Variants in AGT observed in about 807,000 individuals in gnomAD.
AGT encodes alpha-1 antiproteinase, antitrypsin.
AGT carries 26 observed loss-of-function variants against 28.1 expected under a neutral mutation model. That is an observed-to-expected ratio of 0.92 (90% confidence interval 0.68 to 1.28). AGT has a LOEUF of 1.28. AGT is among the 50% of genes most tolerant of loss of function. The pLI, the probability that AGT is intolerant of heterozygous loss-of-function variation, is 0.00. For synonymous variants in AGT, 259 were observed against 259.6 expected, an observed-to-expected ratio of 1.00 and a Z score of 0.02; for missense variants, 596 against 592.3, an observed-to-expected ratio of 1.01 and a Z score of -0.06.
At chr1:230,715,415 T>G (rs1663710971), upstream of AGT, among the ~76,000 whole-genome samples, 1 of 152,212 alleles carries the variant, frequency 6.6e-6, no homozygotes, top group South Asian at 2.1e-4. Flanking sequence ...CTCGCATCTG[T>G]AATTCAAACA....
chr1:230,718,721 G>GTTTT (rs1571981600), upstream of AGT, among the ~76,000 whole-genome samples: 1 of 120,938 alleles, frequency 8.3e-6, no homozygotes, highest in African/African-American at 3.5e-5. Flanking sequence ...GTTCCACACC[G>GTTTT]CTTTTTTTTT....
chr1:230,706,691 G>T (rs567554357), intron 2 of AGT, among the ~76,000 whole-genome samples: 1 of 152,090 alleles, frequency 6.6e-6, no homozygotes, highest in African/African-American at 2.4e-5. Flanking sequence ...AGCCTCCCCC[G>T]TGATCAACAT....
intron 1 of AGT, among the ~76,000 whole-genome samples, chr1:230,726,092 C>T (rs541159617): frequency 1.8e-4 from 27 of 152,288 alleles, no homozygotes; most frequent in African/African-American, 6.3e-4. Flanking sequence ...GGAATGACTT[C>T]ACTTGGCATC....
chr1:230,705,683 A>G (rs564359827), intron 3 of AGT, among the ~76,000 whole-genome samples: 1 of 152,368 alleles, frequency 6.6e-6, no homozygotes, highest in East Asian at 1.9e-4. Flanking sequence ...AAGTGTAGAA[A>G]AAGCATTCTT....
rs1013047470 is a variant in AGT at position 230,710,681 on chromosome 1, G to A, written c.143C>T (p.Ala48Val). The A allele has an allele frequency of 6.2e-7, 1 of 1,614,214 alleles. No homozygotes were observed. Among genetic ancestry groups the A allele is most frequent in the Non-Finnish European group, 8.5e-7 (1 of 1,180,034 alleles). The change falls in exon 2 of 5, where the codon GCC (alanine) becomes GTC (valine). Residue 48 changes from alanine (A) to valine (V), a missense_variant. Coordinates refer to ENST00000366667, the MANE Select transcript of AGT (RefSeq NM_001384479.1). ...GGGGTCTTTGGGCTTCCCGGCATTG[G>A]CCTTTGCCAGCTGCTCACAGGTACT... ...NESTCEQLAKANAGKPKDPTF... is the reference protein window; with the variant it reads ...NESTCEQLAKVNAGKPKDPTF...
At chr1:230,720,302 T>A (rs1274243021) in intron 1 of AGT, among the ~76,000 whole-genome samples, 1 of 152,210 alleles carries the variant, frequency 6.6e-6, no homozygotes, top group Admixed American at 6.5e-5. Context: ...TTTCTTACCT[T>A]GCAAACTCAA....
At chr1:230,728,903 G>A (rs767459862) in intron 1 of AGT, among the ~76,000 whole-genome samples, 3 of 152,208 alleles carry the variant, frequency 2.0e-5, no homozygotes, top group Non-Finnish European at 2.9e-5. Context: ...GATTGAATTA[G>A]TTAACATATG....
chr1:230,713,933 G>T (rs1208999154), intron 1 of AGT, among the ~76,000 whole-genome samples, 153 bp downstream of exon 1: 2 of 152,170 alleles, frequency 1.3e-5, no homozygotes, highest in Non-Finnish European at 2.9e-5. Context: ...ACCGAGTGGG[G>T]GAAAGCCCGC....
chr1:230,722,315 C>T (rs1482188016), intron 1 of AGT, among the ~76,000 whole-genome samples: 4 of 152,242 alleles, frequency 2.6e-5, no homozygotes, highest in South Asian at 2.1e-4. Flanking sequence ...CAGAAGTCTA[C>T]TGCAGGGGTG....
intron 2 of AGT, among the ~76,000 whole-genome samples, chr1:230,707,988 A>T (rs913134366): frequency 6.6e-6 from 1 of 152,184 alleles, no homozygotes; most frequent in African/African-American, 2.4e-5. Flanking sequence ...CTAGTGGGAC[A>T]CATCTAGCTG....
At chr1:230,744,485 T>C (rs1664306002) in intron 1 of AGT, among the ~76,000 whole-genome samples, 1 of 152,132 alleles carries the variant, frequency 6.6e-6, no homozygotes, top group African/African-American at 2.4e-5. Flanking sequence ...GATGAGGCTG[T>C]AAATCCTGAG....
intron 1 of AGT, among the ~76,000 whole-genome samples, chr1:230,744,325 A>G (rs1664302090): frequency 6.6e-6 from 1 of 152,256 alleles, no homozygotes; most frequent in South Asian, 2.1e-4. Flanking sequence ...ATGTTTACTC[A>G]GCAAATGTGC....
At chr1:230,708,530 C>A (rs1020498213) in intron 2 of AGT, among the ~76,000 whole-genome samples, 1 of 152,180 alleles carries the variant, frequency 6.6e-6, no homozygotes, top group Non-Finnish European at 1.5e-5. Context: ...TCACCTCTCC[C>A]TGAACCCGAA....
intron 1 of AGT, among the ~76,000 whole-genome samples, chr1:230,728,031 G>A (rs1663976910): frequency 6.6e-6 from 1 of 152,184 alleles, no homozygotes; most frequent in African/African-American, 2.4e-5. Context: ...CAGGTGGCTA[G>A]AGAACAGATG....
chr1:230,737,607 C>T lies in AGT; in HGVS notation c.-31+7908G>A, dbSNP rs145188289. On this transcript the variant is annotated intron_variant, in intron 1 of 4. Coordinates refer to the AGT transcript ENST00000681269. ...GATTACAGGCTTGAGCCACTGCGCC[C>T]AGCCTGTTTATTATTATTATCATTA... Among the ~76,000 whole-genome samples, 591 of 152,264 alleles carry T rather than the reference C, an allele frequency of 3.9e-3. 4 individuals carry two copies. Among genetic ancestry groups the T allele is most frequent in the African/African-American group, 0.013 (544 of 41,556 alleles).
In AGT at chr1:230,739,499, TGAGAA is replaced by T. The variant is rs537880202; in HGVS notation, c.-31+6011_-31+6015del. On this transcript the variant is annotated intron_variant, in intron 1 of 4. Coordinates refer to the AGT transcript ENST00000681269. ...CTGAGAGCCCAAAGCTGGGGACCAC[TGAGAA>T]GAGCAAATGAGTTTCTGAGGTTCGG... is the stretch of plus-strand genomic sequence containing the variant. 6.6e-5 allele frequency among the ~76,000 whole-genome samples: 10 copies of T among 152,138 alleles called. No individual in the cohort carries two copies. In the East Asian group the frequency reaches 1.4e-3, roughly 21 times the overall value.
chr1:230,711,816 T>TAA (rs58359338), intron 1 of AGT, among the ~76,000 whole-genome samples: 8 of 136,326 alleles, frequency 5.9e-5, no homozygotes, highest in South Asian at 2.3e-4. Flanking sequence ...GGACCACGTA[T>TAA]AAAAAAAAAA....
intron 1 of AGT, among the ~76,000 whole-genome samples, chr1:230,712,496 C>T (rs1663623081): frequency 6.6e-6 from 1 of 152,234 alleles, no homozygotes; most frequent in Non-Finnish European, 1.5e-5. Flanking sequence ...CTGCTGCTTG[C>T]AGGCCTTTCT....
intron 1 of AGT, among the ~76,000 whole-genome samples, chr1:230,745,205 T>G (rs1664326153): frequency 6.6e-6 from 1 of 152,150 alleles, no homozygotes; most frequent in South Asian, 2.1e-4. Flanking sequence ...AAGGAGACCA[T>G]GAAATTCAGC....
Sources: allele counts gnomAD v4.1 joint callset (sites outside exome capture counted in the v4.1 genomes callset), GRCh38; gene constraint gnomAD v4.1.1; transcripts MANE v1.5; gene names NCBI Gene and HGNC (gene_info 2026-07-23, HGNC 2026-07-21).